Variants in CCDC136 observed in about 807,000 individuals in gnomAD.
CCDC136 encodes coiled-coil domain-containing protein 136.
Under a neutral mutation model 141.2 loss-of-function variants are expected in CCDC136, and 100 were observed. The ratio of observed to expected loss-of-function variants is 0.71; its 90% CI spans 0.60 to 0.84. The LOEUF is 0.84. CCDC136 is among the 40% of genes least tolerant of loss of function. The pLI is 0.00. For synonymous variants in CCDC136, 474 were observed against 531.9 expected, an observed-to-expected ratio of 0.89 and a Z score of 1.50; for missense variants, 1,206 against 1,379.4, an observed-to-expected ratio of 0.87 and a Z score of 1.99.
chr7:128,796,739 A>ATATATATATATATATATATATATAT, intron 3 of CCDC136, among the ~76,000 whole-genome samples: 3 of 113,376 alleles, frequency 2.6e-5, no homozygotes, highest in Admixed American at 2.5e-4. Flanking sequence ...ATATATATAT[A>ATATATATATATATATATATATATAT]TTCTTTTTTT....
intron 4 of CCDC136, among the ~76,000 whole-genome samples, chr7:128,803,815 C>CTTT (rs547570254): frequency 3.7e-5 from 5 of 135,220 alleles, no homozygotes; most frequent in Admixed American, 7.4e-5. Flanking sequence ...GAAAGAATTC[C>CTTT]TTTTTTTTTT....
chr7:128,820,233 A>G (rs1287892337), intron 17 of CCDC136, among the ~76,000 whole-genome samples: 1 of 152,196 alleles, frequency 6.6e-6, no homozygotes, highest in Non-Finnish European at 1.5e-5. Context: ...CTCATTGGTC[A>G]CTTACCTGCC....
At chr7:128,811,203 C>T (rs1805653579) in intron 12 of CCDC136, 2 of 428,358 alleles carry the variant, frequency 4.7e-6, no homozygotes, top group African/African-American at 4.1e-5. Flanking sequence ...GATGTCCAGG[C>T]TGGAGGCCTG....
chr7:128,811,377 A>G (rs761457969), intron 12 of CCDC136: 3 of 458,158 alleles, frequency 6.5e-6, no homozygotes, highest in East Asian at 6.9e-5. Flanking sequence ...CCAATTCTTC[A>G]TATTGCCGCA....
intron 17 of CCDC136, among the ~76,000 whole-genome samples, chr7:128,819,589 C>T (rs1184246043): frequency 1.3e-5 from 2 of 152,184 alleles, no homozygotes; most frequent in Non-Finnish European, 2.9e-5. Flanking sequence ...ATGTGTCAGG[C>T]ACTGTTCTAA....
Position 128,806,841 on chromosome 7 carries a change from A to G in CCDC136, c.1402A>G (p.Lys468Glu), listed in dbSNP as rs200328990. The G allele has an allele frequency of 4.2e-4, 678 of 1,607,992 alleles. No individual in the cohort carries two copies. Among genetic ancestry groups the G allele is most frequent in the Non-Finnish European group, 4.9e-4 (571 of 1,176,986 alleles). The change falls in exon 9 of 18, where the codon AAA becomes GAA. Residue 468 changes from lysine (K) to glutamate (E), a missense_variant. Lys to Glu is a moderately conservative substitution (Grantham distance 56, BLOSUM62 1). Transcript: ENST00000297788. Reference sequence around the variant, plus strand: ...CCTCAGGGATACGGTGGCCTCCTTCAAAGAGAGCAATGAGAAGGTAAAAGA... The same window carrying G: ...CCTCAGGGATACGGTGGCCTCCTTCGAAGAGAGCAATGAGAAGGTAAAAGA... ...QHLRDTVASF[K>E]ESNEKDTETH...
intron 3 of CCDC136, among the ~76,000 whole-genome samples, chr7:128,796,842 C>T (rs1447036440): frequency 1.4e-5 from 2 of 145,526 alleles, no homozygotes; most frequent in African/African-American, 5.1e-5. Context: ...CCCGGGTTCA[C>T]GCCATTCTCC....
intron 12 of CCDC136, 39 bp from the exon 13 acceptor site, chr7:128,811,761 G>A: frequency 6.5e-7 from 1 of 1,527,034 alleles, no homozygotes; most frequent in Non-Finnish European, 8.8e-7. Flanking sequence ...GGACTGAAGT[G>A]TCAGAGTAAT....
In CCDC136 at chr7:128,814,894, C is replaced by T; in HGVS notation, c.3020C>T (p.Ser1007Phe). 6.3e-7 allele frequency: 1 copy of T among 1,599,706 alleles called. No individual in the cohort carries two copies. The stretch of plus-strand genomic sequence containing the variant: ...GTGACCAAGCCATGCTCGGATACTT[C>T]TGAGAGCGACCTTGAGACCAGAAAG... The part of the protein sequence containing the change: ...KKVTKPCSDT[S>F]ESDLETRKSL... Residue 1007 changes from serine to phenylalanine, a missense_variant, in exon 15 of 18, where the codon TCT (serine) becomes TTT (phenylalanine). By Grantham distance (155) the Ser-to-Phe change is radical. Transcript: ENST00000297788.
intron 17 of CCDC136, among the ~76,000 whole-genome samples, chr7:128,820,450 C>T (rs151325570): frequency 6.6e-6 from 1 of 152,326 alleles, no homozygotes; most frequent in East Asian, 1.9e-4. Context: ...AGAAGCTTGC[C>T]TTTGCCCAGT....
intron 14 of CCDC136, among the ~76,000 whole-genome samples, chr7:128,813,415 TG>T: frequency 6.6e-6 from 1 of 152,032 alleles, no homozygotes; most frequent in Admixed American, 6.6e-5. Context: ...CACGGTCCAG[TG>T]GGGGTCTCTT....
chr7:128,791,622 C>A, upstream of CCDC136: 2 of 1,008,098 alleles, frequency 2.0e-6, no homozygotes, highest in Non-Finnish European at 2.6e-6. The surrounding 1 kb of genome is among the most constrained non-coding windows in gnomAD (Gnocchi z 7.1). Context: ...CCTTCCAGAC[C>A]CCCAGGTGCT....
chr7:128,795,402 C>T (rs181564736), intron 3 of CCDC136, among the ~76,000 whole-genome samples: 57 of 151,998 alleles, frequency 3.8e-4, no homozygotes, highest in South Asian at 2.9e-3. Context: ...TGTGGGCCTC[C>T]GGAAGGTTTA....
chr7:128,811,693 T>C lies in CCDC136; in HGVS notation c.2029-107T>C, dbSNP rs529990231. 4 of 994,010 alleles carry C rather than the reference T, an allele frequency of 4.0e-6. No individual in the cohort carries two copies. In the East Asian group the frequency reaches 1.0e-4, roughly 25 times the overall value. 61.6% of individuals were successfully genotyped at this position (994,010 alleles called of 1,614,324 possible). Reference sequence around the variant, plus strand: ...GGCCGGGGTGAGGTGGAAATGTAGGTGTGCCATTCTCTAAGGTGTGCTCTC... The same window carrying C: ...GGCCGGGGTGAGGTGGAAATGTAGGCGTGCCATTCTCTAAGGTGTGCTCTC... On this transcript the variant is annotated intron_variant, in intron 12 of 17. Transcript: ENST00000297788.
At position 128,805,869 on chromosome 7, in the gene CCDC136, C is replaced by T. The variant is rs769794491; in HGVS notation, c.1057C>T (p.Leu353Phe). 1.2e-6 allele frequency: 2 copies of T among 1,613,938 alleles called. No individual in the cohort carries two copies. Among genetic ancestry groups the T allele is most frequent in the South Asian group, 2.2e-5 (2 of 91,072 alleles). The change falls in exon 7 of 18, where the codon CTT becomes TTT. Residue 353 changes from leucine (L) to phenylalanine (F), a missense_variant. By Grantham distance (22) the Leu-to-Phe change is conservative. Transcript: ENST00000297788. This position sits in a 1 kb window ranked among gnomAD's most constrained non-coding sequence, Gnocchi z 4.6. ...GCTCAAGTGTGCTCAGAATGAGGTG[C>T]TTCGGTTTCAGACCTCCCACAGTGT... The part of the protein sequence containing the change: ...RELKCAQNEV[L>F]RFQTSHSVTQ...
chr7:128,801,880 C>T (rs1446789255), intron 4 of CCDC136, among the ~76,000 whole-genome samples: 1 of 152,112 alleles, frequency 6.6e-6, no homozygotes, highest in Non-Finnish European at 1.5e-5. Context: ...TGGAGAGGTA[C>T]CCTGGGAATT....
At chr7:128,806,548 T>A in intron 8 of CCDC136, 140 bp from the exon 9 acceptor site, 2 of 1,045,392 alleles carry the variant, frequency 1.9e-6, no homozygotes, top group African/African-American at 3.2e-5. Context: ...GCTCGAGTAC[T>A]ACATTAGATA....
In CCDC136 at chr7:128,801,613, A is replaced by C. The variant is rs1431716595; in HGVS notation, c.670+104A>C. On this transcript the variant is annotated intron_variant, in intron 4 of 17. Coordinates refer to ENST00000297788, the MANE Select transcript of CCDC136 (RefSeq NM_022742.5). The stretch of plus-strand genomic sequence containing the variant: ...GTTAGATCATGAATTGGGAATCTCT[A>C]GAAAAAACCTCCAGGTTGAATTCAA... 7 of 836,834 alleles carry C rather than the reference A, an allele frequency of 8.4e-6. No homozygotes were observed. In the Admixed American group the frequency reaches 8.8e-5, roughly 10 times the overall value. 51.8% of individuals were successfully genotyped at this position (836,834 alleles called of 1,614,324 possible). A position where few individuals can be genotyped will look rare whatever the true frequency, so the allele number is the denominator to read the frequency against.
At chr7:128,796,274 G>A (rs1038026648) in intron 3 of CCDC136, among the ~76,000 whole-genome samples, 11 of 152,156 alleles carry the variant, frequency 7.2e-5, no homozygotes, top group Non-Finnish European at 1.6e-4. Flanking sequence ...CCTGAATAAT[G>A]AAAAGGATCC....
Sources: allele counts gnomAD v4.1 joint callset (sites outside exome capture counted in the v4.1 genomes callset), GRCh38; gene constraint gnomAD v4.1.1; non-coding constraint Gnocchi (gnomAD v3.1); transcripts MANE v1.5; gene names NCBI Gene and HGNC (gene_info 2026-07-23, HGNC 2026-07-21).